The following LIPJ variants were observed in gnomAD, a reference collection of about 807,000 sequenced individuals.
LIPJ encodes lipase member J.
In LIPJ, 33 loss-of-function variants were observed where a neutral mutation model predicts 39.8. The ratio of observed to expected loss-of-function variants is 0.83; its 90% CI spans 0.63 to 1.11. LIPJ has a LOEUF of 1.11. Among genes scored for constraint, LIPJ ranks in the 50% least tolerant of loss-of-function variants. The probability of loss-of-function intolerance (pLI) is 0.00; values close to 1 mark genes in which losing one functional copy is unlikely to be tolerated. For missense variants in LIPJ, 422 were observed against 427.9 expected, an observed-to-expected ratio of 0.99 and a Z score of 0.12; for synonymous variants, 128 against 139.2, an observed-to-expected ratio of 0.92 and a Z score of 0.57.
chr10:88,593,711 TTAAG>T, intron 4 of LIPJ: 1 of 371,576 alleles, frequency 2.7e-6, no homozygotes, highest in Non-Finnish European at 4.8e-6. Flanking sequence ...ATGTACATAT[TTAAG>T]TGTGATGTGA....
At chr10:88,610,400 T>C (rs979985026), downstream of LIPJ, among the ~76,000 whole-genome samples, 2 of 152,148 alleles carry the variant, frequency 1.3e-5, no homozygotes, top group African/African-American at 4.8e-5. Flanking sequence ...ATTATGAAAA[T>C]ATTTAAATAC....
the LIPJ span, among the ~76,000 whole-genome samples, chr10:88,621,403 C>T: frequency 6.6e-6 from 1 of 152,176 alleles, no homozygotes; most frequent in East Asian, 1.9e-4. Flanking sequence ...GTGAAAAGAG[C>T]TAGACTCAAG....
the LIPJ span, among the ~76,000 whole-genome samples, chr10:88,613,635 C>T: frequency 3.3e-5 from 5 of 150,928 alleles, no homozygotes; most frequent in African/African-American, 1.2e-4. Context: ...AGAAAGAGAA[C>T]ACAGCAGTGA....
At chr10:88,621,718 G>T in the LIPJ span, among the ~76,000 whole-genome samples, 1 of 152,122 alleles carries the variant, frequency 6.6e-6, no homozygotes, top group African/African-American at 2.4e-5. Flanking sequence ...AGAACAGGGT[G>T]TTGCTGTTTT....
chr10:88,613,770 G>GTATATATATATATA, the LIPJ span, among the ~76,000 whole-genome samples: 565 of 75,370 alleles, frequency 7.5e-3, 21 homozygotes, highest in Non-Finnish European at 0.012. Context: ...ATGTGTGTGT[G>GTATATATATATATA]TATATATATA....
At chr10:88,623,052 C>G in the LIPJ span, among the ~76,000 whole-genome samples, 1 of 152,106 alleles carries the variant, frequency 6.6e-6, no homozygotes, top group Non-Finnish European at 1.5e-5. Context: ...ACATTGGAAA[C>G]CATTCTATAC....
chr10:88,599,346 G>A (rs1424180081), intron 8 of LIPJ, among the ~76,000 whole-genome samples: 1 of 151,828 alleles, frequency 6.6e-6, no homozygotes, highest in Non-Finnish European at 1.5e-5. Context: ...TCACCATCCT[G>A]TACATTAAAT....
chr10:88,615,795 T>C, the LIPJ span, among the ~76,000 whole-genome samples: 13 of 152,020 alleles, frequency 8.6e-5, no homozygotes, highest in Non-Finnish European at 1.6e-4. Context: ...CCTGGAAATA[T>C]CTACTAAAGC....
chr10:88,591,557 CCAATTGACGGAGAA>C (rs1851080770), intron 4 of LIPJ, 59 bp downstream of exon 4: 2 of 1,442,366 alleles, frequency 1.4e-6, no homozygotes, highest in Non-Finnish European at 1.9e-6. Flanking sequence ...CTTAATTGCT[CCAATTGACGGAGAA>C]CATAGGACAA....
At chr10:88,617,912 T>C in the LIPJ span, among the ~76,000 whole-genome samples, 2 of 152,230 alleles carry the variant, frequency 1.3e-5, no homozygotes, top group Non-Finnish European at 2.9e-5. Flanking sequence ...TGAAAGCTAC[T>C]TTGGAATAAA....
chr10:88,593,800 T>C, intron 4 of LIPJ, 146 bp from the exon 5 acceptor site: 2 of 638,966 alleles, frequency 3.1e-6, no homozygotes, highest in South Asian at 4.2e-5. Context: ...TACAACGGGA[T>C]TAAATCTTAA....
At chr10:88,594,585 T>C in intron 5 of LIPJ, 82 bp from the exon 6 acceptor site, 1 of 633,168 alleles carries the variant, frequency 1.6e-6, no homozygotes, top group Non-Finnish European at 2.6e-6. Flanking sequence ...ATTGCCTTTA[T>C]TCAGTTATCT....
At chr10:88,600,102 A>C (rs912301806) in intron 8 of LIPJ, among the ~76,000 whole-genome samples, 1 of 152,068 alleles carries the variant, frequency 6.6e-6, no homozygotes, top group Non-Finnish European at 1.5e-5. Context: ...ATCATTTATT[A>C]TTACTTATGT....
chr10:88,595,182 G>A (rs898364161), intron 6 of LIPJ, among the ~76,000 whole-genome samples: 2 of 151,752 alleles, frequency 1.3e-5, no homozygotes, highest in Non-Finnish European at 3.0e-5. Flanking sequence ...ATTTCGGACT[G>A]ATCAAACTTA....
rs1377525297 is a variant in LIPJ, at chr10:88,586,767, CTA to C, written c.-307_-306del. 1 of 152,150 alleles carries C rather than the reference CTA, an allele frequency of 6.6e-6. No homozygotes were observed. The highest frequency in any genetic ancestry group is 1.9e-4 in the East Asian group (1 of 5,194). 9.4% of individuals were successfully genotyped at this position (152,150 alleles called of 1,614,324 possible). ...GAATCAAAGTTAGAATTCTCAGAGA[CTA>C]TGAGGGTTCACTATCTGTTTGCTGG... On this transcript the variant is annotated 5_prime_UTR_variant, in exon 1 of 11. The change abolishes an upstream ATG in the 5' untranslated region. Coordinates refer to ENST00000371939, the Ensembl canonical transcript of LIPJ.
the LIPJ span, among the ~76,000 whole-genome samples, chr10:88,620,442 TG>T: frequency 6.6e-6 from 1 of 152,334 alleles, no homozygotes; most frequent in South Asian, 2.1e-4. Flanking sequence ...CAACTATTTT[TG>T]CAACTTTTCT....
intron 7 of LIPJ, 146 bp from the exon 8 acceptor site, chr10:88,596,644 C>A: frequency 1.2e-6 from 1 of 863,122 alleles, no homozygotes; most frequent in Non-Finnish European, 1.8e-6. Context: ...ATCTCCACAC[C>A]CTGCTTCCAA....
intron 2 of LIPJ, among the ~76,000 whole-genome samples, chr10:88,587,651 TAC>T (rs1850952905): frequency 6.6e-6 from 1 of 152,088 alleles, no homozygotes; most frequent in South Asian, 2.1e-4. Context: ...GGTACAAAAC[TAC>T]ACTTTTTACT....
upstream of LIPJ, chr10:88,582,984 C>G: frequency 6.9e-7 from 1 of 1,456,932 alleles, no homozygotes; most frequent in Non-Finnish European, 9.3e-7. Context: ...GCGTTTTCGC[C>G]TTAGACTTTC....
Sources: allele counts gnomAD v4.1 joint callset (sites outside exome capture counted in the v4.1 genomes callset), GRCh38; gene constraint gnomAD v4.1.1; transcripts MANE v1.5; gene names NCBI Gene and HGNC (gene_info 2026-07-23, HGNC 2026-07-21).